TBC1D4: variants seen among roughly 807,000 people sequenced by gnomAD.
The protein encoded by TBC1D4 is TBC1 domain family member 4, also known as TBC (Tre-2, BUB2, CDC16) domain-containing protein.
TBC1D4 carries 121 observed loss-of-function variants against 142.5 expected under a neutral mutation model. The ratio of observed to expected loss-of-function variants is 0.85; its 90% confidence interval spans 0.73 to 0.99. The LOEUF is 0.99. Ranked by LOEUF, TBC1D4 falls within the 50% of genes least tolerant of loss-of-function variation. TBC1D4 has a pLI of 0.00. For missense variants in TBC1D4, 1,475 were observed against 1,606.6 expected, an observed-to-expected ratio of 0.92 and a Z score of 1.40; for synonymous variants, 630 against 628.2, an observed-to-expected ratio of 1.00 and a Z score of -0.04.
intron 3 of TBC1D4, among the ~76,000 whole-genome samples, chr13:75,357,415 C>T (rs1407798666): frequency 6.6e-6 from 1 of 152,196 alleles, no homozygotes; most frequent in Admixed American, 6.5e-5. Context: ...TACACAACCT[C>T]GATTTTCATC....
chr13:75,476,013 C>T (rs746953863), intron 1 of TBC1D4, among the ~76,000 whole-genome samples: 2 of 152,052 alleles, frequency 1.3e-5, no homozygotes, highest in African/African-American at 4.8e-5. Flanking sequence ...GAGGCCCAGG[C>T]GGGCAGATCA....
At chr13:75,322,015 G>A (rs558113921) in intron 11 of TBC1D4, among the ~76,000 whole-genome samples, 1 of 152,350 alleles carries the variant, frequency 6.6e-6, no homozygotes, top group South Asian at 2.1e-4. Context: ...TCAGCATGGG[G>A]ATGGTGATTA....
chr13:75,461,283 A>C (rs551558571), intron 1 of TBC1D4, among the ~76,000 whole-genome samples: 1 of 152,340 alleles, frequency 6.6e-6, no homozygotes, highest in African/African-American at 2.4e-5. Flanking sequence ...CATGAAAGAA[A>C]TGCAAGTAAG....
chr13:75,477,289 C>CA (rs1038443459), intron 1 of TBC1D4, among the ~76,000 whole-genome samples: 1 of 151,994 alleles, frequency 6.6e-6, no homozygotes, highest in Non-Finnish European at 1.5e-5. Context: ...AATATATTGA[C>CA]AAAAAAACTG....
chr13:75,391,828 G>A (rs1170495801), intron 1 of TBC1D4, among the ~76,000 whole-genome samples: 1 of 152,138 alleles, frequency 6.6e-6, no homozygotes, highest in Non-Finnish European at 1.5e-5. Flanking sequence ...CCTCCTGACT[G>A]CTCCTCCACA....
intron 1 of TBC1D4, among the ~76,000 whole-genome samples, chr13:75,458,440 T>C (rs540795437): frequency 6.6e-6 from 1 of 152,314 alleles, no homozygotes; most frequent in African/African-American, 2.4e-5. Flanking sequence ...GAGGTAGGGA[T>C]GTGGCAAGCC....
At chr13:75,333,003 A>T (rs1041402134) in intron 8 of TBC1D4, among the ~76,000 whole-genome samples, 1 of 152,258 alleles carries the variant, frequency 6.6e-6, no homozygotes, top group African/African-American at 2.4e-5. Context: ...AACAGGTGGA[A>T]ATAATGTTTT....
chr13:75,480,281 G>A (rs1888783353), intron 1 of TBC1D4, among the ~76,000 whole-genome samples: 1 of 152,120 alleles, frequency 6.6e-6, no homozygotes, highest in African/African-American at 2.4e-5. Context: ...TTTATATTTA[G>A]ACAACACTAT....
intron 1 of TBC1D4, among the ~76,000 whole-genome samples, chr13:75,462,928 G>C (rs1050913802): frequency 6.6e-6 from 1 of 151,990 alleles, no homozygotes; most frequent in Non-Finnish European, 1.5e-5. Flanking sequence ...GTATTATCTA[G>C]CTTCAGCAAA....
At chr13:75,466,499 C>A (rs1888173385) in intron 1 of TBC1D4, among the ~76,000 whole-genome samples, 1 of 152,110 alleles carries the variant, frequency 6.6e-6, no homozygotes, top group Non-Finnish European at 1.5e-5. Context: ...TCAAAGTCTC[C>A]ACTTGAATTA....
Position 75,331,956 on chromosome 13 carries a change from AC to A in TBC1D4, c.1732-4131del, listed in dbSNP as rs556140005. On this transcript the variant is annotated intron_variant, in intron 8 of 20. Coordinates refer to ENST00000377636, the MANE Select transcript of TBC1D4 (RefSeq NM_014832.5). ...CTGCCCAAAAAGTGCAATCTGTTGC[AC>A]ACGGTACAAGCAAGACCTTGTTAGG... is the stretch of plus-strand genomic sequence containing the variant. 2.5e-3 allele frequency among the ~76,000 whole-genome samples: 375 copies of A among 152,298 alleles called. 3 individuals are homozygous for A. Among genetic ancestry groups the A allele is most frequent in the African/African-American group, 8.4e-3 (348 of 41,566 alleles).
intron 7 of TBC1D4, among the ~76,000 whole-genome samples, chr13:75,340,724 A>T (rs1593756257): frequency 6.6e-6 from 1 of 151,972 alleles, no homozygotes; most frequent in African/African-American, 2.4e-5. Context: ...AGGCGGGGGG[A>T]TCACCTGAAG....
chr13:75,344,805 A>G, intron 5 of TBC1D4, among the ~76,000 whole-genome samples: 1 of 152,204 alleles, frequency 6.6e-6, no homozygotes, highest in East Asian at 1.9e-4. Flanking sequence ...AACTCAATGC[A>G]GCTAAATGTA....
intron 6 of TBC1D4, 114 bp from the exon 7 acceptor site, chr13:75,341,349 A>C: frequency 7.7e-7 from 1 of 1,291,750 alleles, no homozygotes; most frequent in Non-Finnish European, 1.1e-6. Context: ...TCAGAAGCAA[A>C]AGTAAAATGG....
At chr13:75,332,547 G>C (rs1879836858) in intron 8 of TBC1D4, among the ~76,000 whole-genome samples, 1 of 151,224 alleles carries the variant, frequency 6.6e-6, no homozygotes, top group Admixed American at 6.6e-5. Context: ...AAGTGTAATT[G>C]CATCAGCCTC....
chr13:75,335,234 C>A (rs959277748), intron 8 of TBC1D4, among the ~76,000 whole-genome samples: 2 of 152,154 alleles, frequency 1.3e-5, no homozygotes, highest in African/African-American at 4.8e-5. Context: ...GCTCCCACAC[C>A]CTGCATCGGG....
At chr13:75,349,916 C>T (rs946748312) in intron 4 of TBC1D4, among the ~76,000 whole-genome samples, 1 of 152,150 alleles carries the variant, frequency 6.6e-6, no homozygotes, top group Non-Finnish European at 1.5e-5. Context: ...TACATAGAGG[C>T]ATCTAACAGC....
intron 1 of TBC1D4, among the ~76,000 whole-genome samples, chr13:75,440,700 C>T (rs973372932): frequency 6.6e-6 from 1 of 151,504 alleles, no homozygotes. Context: ...GCTACAGGCC[C>T]GTACCAGCAC....
intron 1 of TBC1D4, among the ~76,000 whole-genome samples, chr13:75,395,779 G>A (rs1223696204): frequency 4.6e-5 from 7 of 152,004 alleles, no homozygotes; most frequent in South Asian, 2.1e-4. Flanking sequence ...GCAGTGAGCC[G>A]AGATCGTACC....
Sources: gnomAD v4.1 joint callset for allele counts (sites outside exome capture counted in the v4.1 genomes callset) on GRCh38, gnomAD v4.1.1 for gene constraint, MANE v1.5 for transcripts, NCBI Gene and HGNC (gene_info 2026-07-23, HGNC 2026-07-21) for gene names.